SLC16A12: variants seen among roughly 807,000 people sequenced by gnomAD.
SLC16A12 encodes solute carrier family 16 member 12.
A neutral mutation model predicts 42.4 loss-of-function variants in SLC16A12; 17 were observed. The ratio of observed to expected loss-of-function variants is 0.40; its 90% CI spans 0.27 to 0.60. SLC16A12 has a LOEUF of 0.60. Ranked by LOEUF, SLC16A12 falls within the 20% of genes least tolerant of loss-of-function variation. SLC16A12 has a pLI of 0.42. For synonymous variants in SLC16A12, 224 were observed against 229.4 expected (o/e 0.98, Z 0.21); for missense variants, 544 against 623.0 (o/e 0.87, Z 1.35).
chr10:89,446,723 A>C (rs1842008501), intron 3 of SLC16A12, among the ~76,000 whole-genome samples: 1 of 152,238 alleles, frequency 6.6e-6, no homozygotes, highest in African/African-American at 2.4e-5. Context: ...TAACCAGCTA[A>C]CATTGTAATG....
At chr10:89,450,662 T>G (rs760483158) in intron 3 of SLC16A12, among the ~76,000 whole-genome samples, 4 of 152,124 alleles carry the variant, frequency 2.6e-5, no homozygotes, top group Admixed American at 1.3e-4. Flanking sequence ...ATGTAAATGA[T>G]GAGTTAATGG....
rs1340674342 is a variant in SLC16A12 at position 89,483,751 on chromosome 10, A to AAAT, written c.-46-21128_-46-21127insATT. Among the ~76,000 whole-genome samples the AAAT allele has an allele frequency of 7.9e-3, 1,180 of 149,090 alleles. 41 individuals carry two copies. Among genetic ancestry groups the AAAT allele is most frequent in the Middle Eastern group, 0.017 (5 of 292 alleles). On this transcript the variant is annotated intron_variant, in intron 2 of 7. Coordinates refer to ENST00000371790, the MANE Select transcript of SLC16A12 (RefSeq NM_213606.4). The stretch of plus-strand genomic sequence containing the variant: ...AGACGCTGCCTCTAAAAAAAAAAAA[A>AAAT]AACAAAAAAAAAAAAACGGAAGAAG...
intron 2 of SLC16A12, among the ~76,000 whole-genome samples, chr10:89,523,048 G>A (rs1281053522): frequency 6.6e-6 from 1 of 151,882 alleles, no homozygotes; most frequent in Non-Finnish European, 1.5e-5. Context: ...AGAAAGACTT[G>A]TCACTCTATA....
intron 2 of SLC16A12, among the ~76,000 whole-genome samples, chr10:89,546,394 A>C (rs1266616218): frequency 6.6e-6 from 1 of 152,254 alleles, no homozygotes; most frequent in Non-Finnish European, 1.5e-5. Flanking sequence ...GACAATTCTC[A>C]AAAGAAGACA....
rs1841782369 is a variant in SLC16A12, at chr10:89,436,146, A to G, written c.1202T>C (p.Ile401Thr). ...TGATGACAAAGAGGTGGTCCCCACTATCTCTGTGGTCACTACTGGGATCAA... is the reference window on the plus strand; with the variant it reads ...TGATGACAAAGAGGTGGTCCCCACTGTCTCTGTGGTCACTACTGGGATCAA... Reference protein sequence around the residue: ...VTLIPVVTTEIVGTTSLSSAL... With the variant: ...VTLIPVVTTETVGTTSLSSAL... Residue 401 changes from isoleucine (I) to threonine (T), a missense_variant, in exon 7 of 8, where the codon ATA (isoleucine) becomes ACA (threonine). By Grantham distance (89) the Ile-to-Thr change is moderately conservative (BLOSUM62 -1). Coordinates refer to ENST00000371790, the MANE Select transcript of SLC16A12 (RefSeq NM_213606.4). The G allele has an allele frequency of 1.2e-6, 2 of 1,614,066 alleles. No individual in the cohort carries two copies. Among genetic ancestry groups the G allele is most frequent in the Non-Finnish European group, 1.7e-6 (2 of 1,179,996 alleles).
chr10:89,511,387 A>G (rs1843159969), intron 2 of SLC16A12, among the ~76,000 whole-genome samples: 1 of 152,214 alleles, frequency 6.6e-6, no homozygotes, highest in Non-Finnish European at 1.5e-5. Context: ...ACACCATGGA[A>G]TACTATGCAG....
rs1017288856 is a variant in SLC16A12, at chr10:89,534,536, G to T, written c.-82C>A. ...ATTTTTAAAAATTATGGCCAGGCAC[G>T]GTGGCTCACGCCTGTAATCCCATCA... On this transcript the variant is annotated 5_prime_UTR_variant, in exon 2 of 8. Coordinates refer to ENST00000371790, the MANE Select transcript of SLC16A12 (RefSeq NM_213606.4). The T allele has an allele frequency of 6.6e-6, 1 of 151,466 alleles. No individual in the cohort carries two copies. The highest frequency in any genetic ancestry group is 1.5e-5 in the Non-Finnish European group (1 of 68,046). The allele number at this position is 151,466 out of a possible 1,614,324, so 9.4% of individuals were successfully genotyped here.
chr10:89,458,045 T>C (rs1430684098), intron 3 of SLC16A12, among the ~76,000 whole-genome samples: 4 of 152,204 alleles, frequency 2.6e-5, no homozygotes, highest in Non-Finnish European at 5.9e-5. Flanking sequence ...GTTTATTTAT[T>C]TGTAGATAGG....
At chr10:89,441,891 AG>A (rs1841918172) in intron 4 of SLC16A12, among the ~76,000 whole-genome samples, 2 of 152,218 alleles carry the variant, frequency 1.3e-5, no homozygotes, top group Non-Finnish European at 2.9e-5. Flanking sequence ...TAGAATATTA[AG>A]TAAAACCAGA....
At chr10:89,448,240 T>TC (rs920841451) in intron 3 of SLC16A12, among the ~76,000 whole-genome samples, 1 of 151,930 alleles carries the variant, frequency 6.6e-6, no homozygotes. Context: ...TAACAGGGAA[T>TC]CCCCCCTAAC....
At position 89,436,299 on chromosome 10, in the gene SLC16A12, T is replaced by C; in HGVS notation, c.1049A>G (p.Tyr350Cys). 5 of 1,614,056 alleles carry C rather than the reference T, an allele frequency of 3.1e-6. No individual in the cohort carries two copies. Among genetic ancestry groups the C allele is most frequent in the Non-Finnish European group, 1.7e-6 (2 of 1,179,952 alleles). ...TCCCACGGCAAAGAGGTAGCAAACA[T>C]ACTGGTAATTCTTCAGACACCTGTA... is the stretch of plus-strand genomic sequence containing the variant. ...TDRRCLKNYQ[Y>C]VCYLFAVGMD... The change falls in exon 7 of 8, where the codon TAT becomes TGT. Residue 350 changes from tyrosine to cysteine, a missense_variant. Transcript: ENST00000371790.
intron 2 of SLC16A12, among the ~76,000 whole-genome samples, chr10:89,528,770 C>A (rs1184653273): frequency 6.6e-6 from 1 of 152,178 alleles, no homozygotes; most frequent in Non-Finnish European, 1.5e-5. Flanking sequence ...GATTTAAAAA[C>A]TATCAATACC....
intron 2 of SLC16A12, among the ~76,000 whole-genome samples, chr10:89,530,666 G>A (rs12248961): frequency 0.039 from 5,910 of 152,100 alleles, 265 homozygotes; most frequent in African/African-American, 0.11. Context: ...TGATTTGCCC[G>A]CCCCGGCCTC....
chr10:89,539,946 TTC>T (rs1843704556), upstream of SLC16A12, among the ~76,000 whole-genome samples: 1 of 149,124 alleles, frequency 6.7e-6, no homozygotes, highest in African/African-American at 2.5e-5. Flanking sequence ...ACTTCCTTCT[TTC>T]TCTTTCTTTC....
chr10:89,462,845 A>G (rs1476112068), intron 2 of SLC16A12: 6 of 420,402 alleles, frequency 1.4e-5, no homozygotes, highest in Admixed American at 8.4e-5. Flanking sequence ...TGTCTACTCT[A>G]TTTGATACCA....
chr10:89,455,416 T>C (rs1842173435), intron 3 of SLC16A12, among the ~76,000 whole-genome samples: 1 of 152,192 alleles, frequency 6.6e-6, no homozygotes, highest in South Asian at 2.1e-4. Flanking sequence ...ACTTTAGATA[T>C]ACAGAAATCA....
intron 3 of SLC16A12, among the ~76,000 whole-genome samples, chr10:89,450,585 C>T (rs569568761): frequency 5.9e-5 from 9 of 152,210 alleles, no homozygotes; most frequent in African/African-American, 2.2e-4. Flanking sequence ...GGGCAGGGAA[C>T]GGCACACACT....
chr10:89,455,181 G>C (rs1480731184), intron 3 of SLC16A12, among the ~76,000 whole-genome samples: 1 of 152,124 alleles, frequency 6.6e-6, no homozygotes, highest in African/African-American at 2.4e-5. Flanking sequence ...CCACAAGAGG[G>C]AGATGCAGAA....
intron 2 of SLC16A12, among the ~76,000 whole-genome samples, chr10:89,543,701 G>T (rs1000199777): frequency 2.0e-4 from 30 of 152,130 alleles, no homozygotes; most frequent in Admixed American, 6.5e-5. Context: ...TAGGCATGGT[G>T]GCACATGCCT....
Sources: allele counts gnomAD v4.1 joint callset (sites outside exome capture counted in the v4.1 genomes callset), GRCh38; gene constraint gnomAD v4.1.1; transcripts MANE v1.5; gene names NCBI Gene and HGNC (gene_info 2026-07-23, HGNC 2026-07-21).